GLB1: variants seen among roughly 807,000 people sequenced by gnomAD.
GLB1 encodes beta-galactosidase.
Under a neutral mutation model 74.0 loss-of-function variants are expected in GLB1, and 56 were observed. The ratio of observed to expected loss-of-function variants is 0.76; its 90% CI spans 0.61 to 0.94. The LOEUF is 0.94. Among genes scored for constraint, GLB1 ranks in the 40% least tolerant of loss-of-function variants. The pLI is 0.00. For missense variants in GLB1, 787 were observed against 845.5 expected (o/e 0.93, Z 0.86); for synonymous variants, 323 against 323.6 (o/e 1.00, Z 0.02).
chr3:33,016,242 T>A (rs1385217803), intron 14 of GLB1, among the ~76,000 whole-genome samples: 1 of 152,178 alleles, frequency 6.6e-6, no homozygotes, highest in African/African-American at 2.4e-5. Context: ...TGGAGGGGCT[T>A]CCTCCTTCTG....
chr3:33,025,147 G>T (rs1002062558), intron 10 of GLB1, among the ~76,000 whole-genome samples: 1 of 152,170 alleles, frequency 6.6e-6, no homozygotes, highest in Non-Finnish European at 1.5e-5. Context: ...GTTTCTCCAT[G>T]TTGGTCAGGC....
chr3:32,997,782 T>C (rs1029372273), intron 15 of GLB1, among the ~76,000 whole-genome samples: 9 of 152,364 alleles, frequency 5.9e-5, no homozygotes, highest in East Asian at 1.9e-4. Flanking sequence ...CTTCCTTAAA[T>C]AGATCTTTTC....
chr3:33,044,020 T>C (rs1698644110), intron 10 of GLB1, among the ~76,000 whole-genome samples: 1 of 152,184 alleles, frequency 6.6e-6, no homozygotes. Flanking sequence ...TCTCACTAAA[T>C]AGTAGACTGA....
intron 5 of GLB1, among the ~76,000 whole-genome samples, chr3:33,058,905 G>A (rs961032021): frequency 6.6e-6 from 1 of 151,426 alleles, no homozygotes; most frequent in African/African-American, 2.4e-5. Context: ...ACACACACCG[G>A]TGTTCAGTTT....
chr3:33,022,210 G>C (rs550988818), intron 11 of GLB1, among the ~76,000 whole-genome samples: 1 of 152,236 alleles, frequency 6.6e-6, no homozygotes, highest in African/African-American at 2.4e-5. Context: ...TTAAGGATAA[G>C]ATATGTTCCA....
intron 1 of GLB1, chr3:33,090,640 G>A (rs1255387123): frequency 1.0e-6 from 1 of 985,458 alleles, no homozygotes; most frequent in Non-Finnish European, 1.2e-6. Context: ...CATGGTTTAA[G>A]AATGTTGAAC....
intron 10 of GLB1, among the ~76,000 whole-genome samples, chr3:33,031,477 C>T (rs1698004664): frequency 6.6e-6 from 1 of 151,112 alleles, no homozygotes; most frequent in African/African-American, 2.4e-5. Context: ...AACTCCGTCT[C>T]TACTAAAAAT....
At chr3:32,977,291 C>G in the GLB1 span, among the ~76,000 whole-genome samples, 1 of 150,958 alleles carries the variant, frequency 6.6e-6, no homozygotes, top group Admixed American at 6.6e-5. Context: ...ACTGCAATCT[C>G]CACTTCCAGG....
At chr3:33,004,300 G>A (rs976128942) in intron 15 of GLB1, among the ~76,000 whole-genome samples, 2 of 152,172 alleles carry the variant, frequency 1.3e-5, no homozygotes, top group Non-Finnish European at 2.9e-5. Context: ...TAACACCCAG[G>A]TGGTCATGCC....
intron 1 of GLB1, among the ~76,000 whole-genome samples, chr3:33,083,441 G>A (rs1468028999): frequency 2.0e-5 from 3 of 150,840 alleles, no homozygotes; most frequent in Non-Finnish European, 4.4e-5. Context: ...GAAGAAAGGA[G>A]GAAAAAGGAG....
the GLB1 span, among the ~76,000 whole-genome samples, chr3:32,973,514 G>T: frequency 6.6e-6 from 1 of 151,974 alleles, no homozygotes; most frequent in African/African-American, 2.4e-5. Flanking sequence ...GCTAATTTTT[G>T]TATTTTTTAG....
Position 33,007,574 on chromosome 3 carries a change from A to C in GLB1, c.1734+6482T>G, listed in dbSNP as rs137937603. Among the ~76,000 whole-genome samples, 438 of 152,312 alleles carry C rather than the reference A, an allele frequency of 2.9e-3. 5 individuals carry two copies. Among genetic ancestry groups the C allele is most frequent in the African/African-American group, 1.0e-2 (415 of 41,562 alleles). On this transcript the variant is annotated intron_variant, in intron 15 of 15. Transcript: ENST00000307363. ...TCTTTTTATTGCTGAATCATATTCC[A>C]TTGTATGGATGTACTACATTTCGTT...
At chr3:33,033,424 T>G (rs1698137805) in intron 10 of GLB1, among the ~76,000 whole-genome samples, 1 of 152,212 alleles carries the variant, frequency 6.6e-6, no homozygotes, top group Non-Finnish European at 1.5e-5. Flanking sequence ...AAGATTTCTA[T>G]TCTCTCTAGA....
chr3:33,024,280 A>G lies in GLB1; in HGVS notation c.1114T>C (p.Phe372Leu). 6.2e-7 allele frequency: 1 copy of G among 1,613,278 alleles called. No individual in the cohort carries two copies. The highest frequency in any genetic ancestry group is 8.5e-7 in the Non-Finnish European group (1 of 1,179,948). Residue 372 changes from phenylalanine to leucine, a missense_variant, in exon 11 of 16, where the codon TTT (phenylalanine) becomes CTT (leucine). Phe to Leu is a conservative substitution (Grantham distance 22). Coordinates refer to ENST00000307363, the MANE Select transcript of GLB1 (RefSeq NM_000404.4). ...EGPIPPSTPK[F>L]AYGKVTLEKL... ...TCCAAAGTGACCTTTCCATATGCAA[A>G]CTTTGGTGTAGATGGAGGGATAGGA...
At chr3:33,086,368 G>A (rs1487436141) in intron 1 of GLB1, among the ~76,000 whole-genome samples, 1 of 152,030 alleles carries the variant, frequency 6.6e-6, no homozygotes, top group African/African-American at 2.4e-5. Context: ...CATAATTAAT[G>A]AGGAGAGTTC....
At chr3:32,986,655 A>C in the GLB1 span, among the ~76,000 whole-genome samples, 2 of 149,012 alleles carry the variant, frequency 1.3e-5, no homozygotes, top group Non-Finnish European at 3.0e-5. Context: ...CAGTGGCATG[A>C]TCTCGGCTCA....
the GLB1 span, among the ~76,000 whole-genome samples, chr3:32,977,253 C>T: frequency 6.7e-6 from 1 of 149,586 alleles, no homozygotes; most frequent in African/African-American, 2.5e-5. Flanking sequence ...GTGGCCCAGG[C>T]TGGAGTGCAG....
chr3:32,999,285 T>C (rs895737312), intron 15 of GLB1, among the ~76,000 whole-genome samples: 3 of 152,220 alleles, frequency 2.0e-5, no homozygotes, highest in Admixed American at 2.0e-4. Context: ...CAGCTTAAAA[T>C]CTGCCGGTGC....
At chr3:33,038,646 CT>C (rs1182364148) in intron 10 of GLB1, among the ~76,000 whole-genome samples, 3 of 152,206 alleles carry the variant, frequency 2.0e-5, no homozygotes, top group African/African-American at 7.2e-5. Context: ...CCGAACACAA[CT>C]TCTGGGAGTC....
Sources: allele counts gnomAD v4.1 joint callset (sites outside exome capture counted in the v4.1 genomes callset), GRCh38; gene constraint gnomAD v4.1.1; transcripts MANE v1.5; gene names NCBI Gene and HGNC (gene_info 2026-07-23, HGNC 2026-07-21).